FNDC3B: variants seen among roughly 807,000 people sequenced by gnomAD.
FNDC3B encodes the protein fibronectin type III domain containing 3B, also known as fibronectin type III domain-containing protein 3B.
In FNDC3B, 12 loss-of-function variants were observed where a neutral mutation model predicts 151.5. That is an observed-to-expected ratio of 0.08 (90% CI 0.05 to 0.13). The LOEUF (loss-of-function observed/expected upper bound fraction) is 0.13. Among genes scored for constraint, FNDC3B ranks in the 10% least tolerant of loss-of-function variants. The probability of loss-of-function intolerance (pLI) is 1.00; values close to 1 mark genes in which losing one functional copy is unlikely to be tolerated. For synonymous variants in FNDC3B, 528 were observed against 549.0 expected, an observed-to-expected ratio of 0.96 and a Z score of 0.54; for missense variants, 1,214 against 1,505.3, an observed-to-expected ratio of 0.81 and a Z score of 3.20.
At position 172,068,346 on chromosome 3, in the gene FNDC3B, C is replaced by G. The variant is rs1034689235; in HGVS notation, c.-29+28575C>G. On this transcript the variant is annotated intron_variant, in intron 1 of 25. Coordinates refer to ENST00000415807, the MANE Select transcript of FNDC3B (RefSeq NM_022763.4). ...TTCAATACTCATCCCTCTGTTTCCT[C>G]AGACATTTTACTTGAATTAATTTTG... is the stretch of plus-strand genomic sequence containing the variant. Among the ~76,000 whole-genome samples, 3 of 151,888 alleles carry G rather than the reference C, an allele frequency of 2.0e-5. No individual in the cohort carries two copies. In the East Asian group the frequency reaches 5.8e-4, roughly 29 times the overall value.
At chr3:172,217,194 A>G (rs1277441748) in intron 3 of FNDC3B, among the ~76,000 whole-genome samples, 2 of 152,356 alleles carry the variant, frequency 1.3e-5, no homozygotes, top group East Asian at 3.9e-4. Flanking sequence ...GTTGAACTGA[A>G]CAAAGCAACA....
chr3:172,133,408 A>G (rs528420349), intron 2 of FNDC3B, 63 bp from the exon 3 acceptor site: 2 of 1,280,538 alleles, frequency 1.6e-6, no homozygotes, highest in East Asian at 2.3e-5. Flanking sequence ...AATTTAGGTA[A>G]TAACACTTAA....
chr3:172,166,318 AT>A (rs1181359925), intron 3 of FNDC3B, among the ~76,000 whole-genome samples: 1 of 152,134 alleles, frequency 6.6e-6, no homozygotes, highest in East Asian at 1.9e-4. Context: ...GGCCCTCTAA[AT>A]TTTTTGTGGA....
At chr3:172,059,174 G>A (rs1420398118) in intron 1 of FNDC3B, among the ~76,000 whole-genome samples, 2 of 152,038 alleles carry the variant, frequency 1.3e-5, no homozygotes, top group African/African-American at 2.4e-5. Flanking sequence ...TTATATGTGT[G>A]TTTTGTAGAA....
At chr3:172,107,850 C>T (rs1435454510) in intron 1 of FNDC3B, among the ~76,000 whole-genome samples, 1 of 151,572 alleles carries the variant, frequency 6.6e-6, no homozygotes, top group Non-Finnish European at 1.5e-5. Context: ...AGGAAAAGGC[C>T]CTGAGACTGG....
At chr3:172,266,289 T>C (rs1728920884) in intron 6 of FNDC3B, among the ~76,000 whole-genome samples, 1 of 152,178 alleles carries the variant, frequency 6.6e-6, no homozygotes, top group Non-Finnish European at 1.5e-5. Context: ...TCTGATGGGC[T>C]CTGTGTTTGT....
intron 3 of FNDC3B, among the ~76,000 whole-genome samples, chr3:172,181,459 A>C (rs1723901313): frequency 6.6e-6 from 1 of 151,328 alleles, no homozygotes; most frequent in Non-Finnish European, 1.5e-5. Flanking sequence ...GGTCAAGTAG[A>C]ATGTTGGCCC....
intron 3 of FNDC3B, among the ~76,000 whole-genome samples, chr3:172,177,963 T>C (rs1723696250): frequency 6.6e-6 from 1 of 152,172 alleles, no homozygotes; most frequent in South Asian, 2.1e-4. Flanking sequence ...CGGTTGTCTG[T>C]TCCTCTGTTA....
chr3:172,171,913 T>C (rs1337736215), intron 3 of FNDC3B, among the ~76,000 whole-genome samples: 1 of 152,162 alleles, frequency 6.6e-6, no homozygotes, highest in African/African-American at 2.4e-5. Context: ...GAAGCCAGCA[T>C]GAGAGGTGGA....
chr3:172,256,164 C>G (rs752806219), intron 6 of FNDC3B, among the ~76,000 whole-genome samples: 63 of 152,194 alleles, frequency 4.1e-4, no homozygotes, highest in Non-Finnish European at 8.5e-4. Flanking sequence ...ACCAGACATG[C>G]GGTGTTCTGC....
intron 21 of FNDC3B, among the ~76,000 whole-genome samples, chr3:172,349,315 G>A (rs966000923): frequency 2.6e-5 from 4 of 152,046 alleles, no homozygotes; most frequent in African/African-American, 9.7e-5. Context: ...CCTGTACTGT[G>A]TTTTATAGAA....
chr3:172,107,630 A>G (rs1289082147), intron 1 of FNDC3B, among the ~76,000 whole-genome samples: 1 of 152,188 alleles, frequency 6.6e-6, no homozygotes, highest in African/African-American at 2.4e-5. Context: ...TTTGACTAAG[A>G]TGAAAATGAG....
At chr3:172,127,403 A>T (rs950160116) in intron 2 of FNDC3B, among the ~76,000 whole-genome samples, 5 of 152,214 alleles carry the variant, frequency 3.3e-5, no homozygotes, top group Admixed American at 2.6e-4. Flanking sequence ...TTTTGGTCAG[A>T]CATGGCTGGA....
intron 3 of FNDC3B, chr3:172,184,427 A>T (rs1724071063): frequency 6.6e-6 from 1 of 152,250 alleles, no homozygotes; most frequent in African/African-American, 2.4e-5. Flanking sequence ...ACTTATAAAA[A>T]TATGAGAAAC....
At chr3:172,177,692 T>G (rs1374373109) in intron 3 of FNDC3B, among the ~76,000 whole-genome samples, 1 of 148,380 alleles carries the variant, frequency 6.7e-6, no homozygotes, top group Non-Finnish European at 1.5e-5. Context: ...TTTCTTTTCT[T>G]TTATAAAATT....
chr3:172,276,535 G>C (rs1305238587), intron 6 of FNDC3B, among the ~76,000 whole-genome samples: 1 of 152,156 alleles, frequency 6.6e-6, no homozygotes, highest in Non-Finnish European at 1.5e-5. Context: ...AATGATACAT[G>C]CTAGAGATCA....
At chr3:172,065,019 T>A (rs531567130) in intron 1 of FNDC3B, among the ~76,000 whole-genome samples, 1 of 152,316 alleles carries the variant, frequency 6.6e-6, no homozygotes, top group East Asian at 1.9e-4. Flanking sequence ...TCTCAGGCAC[T>A]GCAGAGAACA....
intron 2 of FNDC3B, among the ~76,000 whole-genome samples, chr3:172,129,722 G>A (rs1720975346): frequency 6.6e-6 from 1 of 152,184 alleles, no homozygotes; most frequent in Non-Finnish European, 1.5e-5. Context: ...TGAAGCAATA[G>A]TAGCTTAGAG....
At chr3:172,047,782 C>T (rs1716436125) in intron 1 of FNDC3B, among the ~76,000 whole-genome samples, 1 of 152,196 alleles carries the variant, frequency 6.6e-6, no homozygotes, top group Non-Finnish European at 1.5e-5. Flanking sequence ...TACCAATAGA[C>T]TCCAACTATG....
Sources: allele counts gnomAD v4.1 joint callset (sites outside exome capture counted in the v4.1 genomes callset), GRCh38; gene constraint gnomAD v4.1.1; transcripts MANE v1.5; gene names NCBI Gene and HGNC (gene_info 2026-07-23, HGNC 2026-07-21).